The following CCDC172 variants were observed in gnomAD, a reference collection of about 807,000 sequenced individuals.
The protein encoded by CCDC172 is coiled-coil domain containing 172.
A neutral mutation model predicts 38.0 loss-of-function variants in CCDC172; 30 were observed. That is an observed-to-expected ratio of 0.79 (90% CI 0.59 to 1.07). The LOEUF (loss-of-function observed/expected upper bound fraction) is 1.07, where lower values mean the gene tolerates loss of function less well. Among genes scored for constraint, CCDC172 ranks in the 50% least tolerant of loss-of-function variants. The pLI is 0.00. For synonymous variants in CCDC172, 78 were observed against 88.3 expected (o/e 0.88, Z 0.66); for missense variants, 297 against 290.1 (o/e 1.02, Z -0.17).
chr10:116,366,429 T>C (rs892869153), intron 7 of CCDC172, among the ~76,000 whole-genome samples: 3 of 152,230 alleles, frequency 2.0e-5, no homozygotes, highest in Admixed American at 2.0e-4. Context: ...ATTTATCATC[T>C]AACCTATACA....
At chr10:116,375,979 A>C (rs959858744) in intron 7 of CCDC172, among the ~76,000 whole-genome samples, 3 of 152,216 alleles carry the variant, frequency 2.0e-5, no homozygotes, top group Non-Finnish European at 2.9e-5. Context: ...TTCCTTAAAG[A>C]TCTAGAACTA....
At chr10:116,343,827 T>C (rs1844830644) in intron 5 of CCDC172, among the ~76,000 whole-genome samples, 1 of 152,174 alleles carries the variant, frequency 6.6e-6, no homozygotes. Context: ...CTTGGCCCTA[T>C]ACTTTGACTG....
intron 3 of CCDC172, among the ~76,000 whole-genome samples, chr10:116,339,328 AT>A (rs1844766521): frequency 6.6e-6 from 1 of 151,914 alleles, no homozygotes; most frequent in South Asian, 2.1e-4. Context: ...TCTGGACCTC[AT>A]TTTATTATCA....
intron 5 of CCDC172, among the ~76,000 whole-genome samples, chr10:116,346,471 A>T (rs1385885691): frequency 1.3e-5 from 2 of 152,142 alleles, no homozygotes; most frequent in African/African-American, 2.4e-5. Flanking sequence ...CATGGCAAGC[A>T]GATCAATGGT....
chr10:116,331,795 A>C (rs1161877555), intron 3 of CCDC172, among the ~76,000 whole-genome samples: 2 of 152,146 alleles, frequency 1.3e-5, no homozygotes, highest in African/African-American at 4.8e-5. Flanking sequence ...CCTAAGAAGC[A>C]GTTTCACCCC....
At chr10:116,376,901 G>C (rs1232332400) in intron 7 of CCDC172, among the ~76,000 whole-genome samples, 1 of 152,198 alleles carries the variant, frequency 6.6e-6, no homozygotes, top group Non-Finnish European at 1.5e-5. Flanking sequence ...CCAATACCAA[G>C]ATGAGTATGC....
At position 116,325,337 on chromosome 10, in the gene CCDC172, T is replaced by G; in HGVS notation, c.114T>G (p.Ile38Met). 1 of 1,613,922 alleles carries G rather than the reference T, an allele frequency of 6.2e-7. No homozygotes were observed. The highest frequency in any genetic ancestry group is 8.5e-7 in the Non-Finnish European group (1 of 1,179,922). ...RSEITRCREKIKKATEELNEE... is the reference protein window; with the variant it reads ...RSEITRCREKMKKATEELNEE... ...AAATAACCAGATGTCGTGAAAAAAT[T>G]AAGAAAGCAACGGAGGAGCTGAATG... Residue 38 changes from isoleucine (I) to methionine (M), a missense_variant, in exon 3 of 9, where the codon ATT becomes ATG. Coordinates refer to ENST00000333254, the MANE Select transcript of CCDC172 (RefSeq NM_198515.3).
At chr10:116,343,603 C>T (rs546079656) in intron 5 of CCDC172, among the ~76,000 whole-genome samples, 4 of 150,872 alleles carry the variant, frequency 2.7e-5, no homozygotes, top group Middle Eastern at 3.4e-3. Flanking sequence ...GTAAAAGTTG[C>T]GTATCATTCC....
At chr10:116,375,215 T>G (rs746435619) in intron 7 of CCDC172, among the ~76,000 whole-genome samples, 1 of 152,160 alleles carries the variant, frequency 6.6e-6, no homozygotes, top group African/African-American at 2.4e-5. Context: ...TCATGAATTT[T>G]TGCTGCAAAC....
At chr10:116,326,709 C>T (rs570730782) in intron 3 of CCDC172, among the ~76,000 whole-genome samples, 105 of 152,160 alleles carry the variant, frequency 6.9e-4, no homozygotes, top group African/African-American at 2.4e-3. Context: ...TTGTGAGCTG[C>T]GTATCTGGAA....
chr10:116,330,330 A>G (rs1395102642), intron 3 of CCDC172, among the ~76,000 whole-genome samples: 1 of 152,182 alleles, frequency 6.6e-6, no homozygotes, highest in Non-Finnish European at 1.5e-5. Flanking sequence ...TTACTTTTGA[A>G]GCAGTATGTT....
intron 7 of CCDC172, among the ~76,000 whole-genome samples, chr10:116,378,163 A>G (rs1316903629): frequency 2.6e-5 from 4 of 152,190 alleles, no homozygotes; most frequent in African/African-American, 9.7e-5. Flanking sequence ...CCTGGATGAC[A>G]GAGCGAGACT....
chr10:116,349,074 C>T (rs150703577), intron 5 of CCDC172, among the ~76,000 whole-genome samples: 41 of 152,152 alleles, frequency 2.7e-4, no homozygotes, highest in East Asian at 2.3e-3. Flanking sequence ...TAAACCCTCT[C>T]GTGAACTGTG....
intron 3 of CCDC172, among the ~76,000 whole-genome samples, chr10:116,326,541 G>A (rs1173130784): frequency 6.6e-6 from 1 of 152,064 alleles, no homozygotes; most frequent in Non-Finnish European, 1.5e-5. Context: ...TCCATCTGGC[G>A]AATTTCAGCT....
intron 4 of CCDC172, 90 bp downstream of exon 4, chr10:116,340,940 A>C: frequency 1.3e-6 from 1 of 790,210 alleles, no homozygotes; most frequent in Non-Finnish European, 2.2e-6. Context: ...AAAATTATCC[A>C]TGTGCATATT....
intron 2 of CCDC172, 85 bp downstream of exon 2, chr10:116,325,175 G>T: frequency 6.6e-7 from 1 of 1,519,716 alleles, no homozygotes; most frequent in East Asian, 2.3e-5. Context: ...GAAGGCAGTG[G>T]TCAGAGCCGT....
At chr10:116,377,746 C>T (rs1271254337) in intron 7 of CCDC172, among the ~76,000 whole-genome samples, 3 of 151,816 alleles carry the variant, frequency 2.0e-5, no homozygotes, top group East Asian at 1.9e-4. Context: ...TAAAAGTTTT[C>T]AGGTGAGGTT....
chr10:116,369,870 T>A (rs1264829315), intron 7 of CCDC172, among the ~76,000 whole-genome samples: 2 of 151,854 alleles, frequency 1.3e-5, no homozygotes, highest in African/African-American at 4.8e-5. Flanking sequence ...GCCAAAAGAG[T>A]TTGTTGTCAA....
At chr10:116,341,889 G>T in intron 4 of CCDC172, 147 bp from the exon 5 acceptor site, 1 of 453,836 alleles carries the variant, frequency 2.2e-6, no homozygotes, top group Non-Finnish European at 3.3e-6. Flanking sequence ...ATATTACTAT[G>T]AGAAAAAAAC....
Sources: allele counts gnomAD v4.1 joint callset (sites outside exome capture counted in the v4.1 genomes callset), GRCh38; gene constraint gnomAD v4.1.1; transcripts MANE v1.5; gene names NCBI Gene and HGNC (gene_info 2026-07-23, HGNC 2026-07-21).